MAPK9: variants seen among roughly 807,000 people sequenced by gnomAD.
MAPK9 encodes the protein Jun kinase.
Under a neutral mutation model 57.1 loss-of-function variants are expected in MAPK9, and 30 were observed. That is an observed-to-expected ratio of 0.53 (90% confidence interval 0.39 to 0.71). The LOEUF is 0.71. Ranked by LOEUF, MAPK9 falls within the 30% of genes least tolerant of loss-of-function variation. The pLI is 0.00. For synonymous variants in MAPK9, 155 were observed against 177.0 expected, an observed-to-expected ratio of 0.88 and a Z score of 0.99; for missense variants, 362 against 521.0, an observed-to-expected ratio of 0.69 and a Z score of 2.97.
chr5:180,236,777 T>C (rs761762697), intron 11 of MAPK9: 3 of 349,008 alleles, frequency 8.6e-6, no homozygotes, highest in Non-Finnish European at 1.6e-5. Flanking sequence ...TAAACATATA[T>C]GTGGCCATGT....
At chr5:180,284,967 G>A (rs1762614507) in intron 1 of MAPK9, among the ~76,000 whole-genome samples, 2 of 152,184 alleles carry the variant, frequency 1.3e-5, no homozygotes, top group South Asian at 2.1e-4. Context: ...TGGGAAATGA[G>A]AAACTTTCTT....
chr5:180,279,060 C>A (rs570735574), intron 2 of MAPK9, among the ~76,000 whole-genome samples: 3 of 151,458 alleles, frequency 2.0e-5, no homozygotes, highest in South Asian at 2.1e-4. Flanking sequence ...CAGGTTCAAG[C>A]GATTCTCTTG....
intron 3 of MAPK9, among the ~76,000 whole-genome samples, chr5:180,267,374 A>G (rs1030222423): frequency 3.3e-5 from 5 of 151,892 alleles, no homozygotes; most frequent in African/African-American, 1.2e-4. Flanking sequence ...ATCCTGGCTA[A>G]CATGGTGAAA....
intron 5 of MAPK9, among the ~76,000 whole-genome samples, chr5:180,253,963 CTTTTTTT>C (rs5873681): frequency 1.8e-5 from 2 of 109,360 alleles, no homozygotes; most frequent in African/African-American, 7.0e-5. Flanking sequence ...GCTTCAATCT[CTTTTTTT>C]TTTTTTTTTT....
At chr5:180,270,868 A>AAAAAAG (rs71591466) in intron 2 of MAPK9, among the ~76,000 whole-genome samples, 3,844 of 137,338 alleles carry the variant, frequency 0.028, 212 homozygotes, top group African/African-American at 0.1. Context: ...CAAAAAAAAA[A>AAAAAAG]AAAAAGAAAA....
chr5:180,253,672 A>T (rs1478400754), intron 5 of MAPK9: 1 of 152,228 alleles, frequency 6.6e-6, no homozygotes, highest in East Asian at 1.9e-4. Flanking sequence ...CGCCGCATGC[A>T]CAGTCCTGTG....
At chr5:180,255,642 C>CTGTGCAAAGA (rs1759200740) in intron 5 of MAPK9, among the ~76,000 whole-genome samples, 1 of 152,124 alleles carries the variant, frequency 6.6e-6, no homozygotes, top group Non-Finnish European at 1.5e-5. Flanking sequence ...GGAAGGTCTG[C>CTGTGCAAAGA]TGTGCAAAGC....
chr5:180,257,015 A>G (rs1759361735), intron 5 of MAPK9, among the ~76,000 whole-genome samples: 1 of 152,264 alleles, frequency 6.6e-6, no homozygotes, highest in African/African-American at 2.4e-5. Context: ...GAGATCTTTA[A>G]TTCAGAAGCC....
At position 180,236,288 on chromosome 5, in the gene MAPK9, G is replaced by GA; in HGVS notation, c.*95_*96insT. 3 of 1,338,624 alleles carry GA rather than the reference G, an allele frequency of 2.2e-6. No homozygotes were observed. The highest frequency in any genetic ancestry group is 3.0e-6 in the Non-Finnish European group (3 of 988,136). 82.9% of individuals were successfully genotyped at this position (1,338,624 alleles called of 1,614,324 possible). A position where few individuals can be genotyped will look rare whatever the true frequency, so the allele number is the denominator to read the frequency against. Reference sequence around the variant, plus strand: ...ATTGTGTTTCTTACATGCAGAACATGGAGTTTTTCTATTTGGTTCCATCAA... The same window carrying GA: ...ATTGTGTTTCTTACATGCAGAACATGAGAGTTTTTCTATTTGGTTCCATCAA... On this transcript the variant is annotated 3_prime_UTR_variant, in exon 12 of 12. Coordinates refer to ENST00000452135, the MANE Select transcript of MAPK9 (RefSeq NM_002752.5).
In MAPK9 at chr5:180,242,602, G is replaced by A; in HGVS notation, c.842C>T (p.Pro281Leu). ...TATTTTGTCTCGCTCAGATTCTGATGGGAATATCCAATCTGGAAAGAGTTC... is the reference window on the plus strand; with the variant it reads ...TATTTTGTCTCGCTCAGATTCTGATAGGAATATCCAATCTGGAAAGAGTTC... ...FEELFPDWIF[P>L]SESERDKIKT... Residue 281 changes from proline (P) to leucine (L), a missense_variant, in exon 8 of 12, where the codon CCA (proline) becomes CTA (leucine). Transcript: ENST00000452135. 1 of 1,613,514 alleles carries A rather than the reference G, an allele frequency of 6.2e-7. No homozygotes were observed. The highest frequency in any genetic ancestry group is 1.7e-5 in the Admixed American group (1 of 59,842).
chr5:180,265,499 A>G (rs1435609976), intron 3 of MAPK9, among the ~76,000 whole-genome samples: 1 of 152,206 alleles, frequency 6.6e-6, no homozygotes, highest in Non-Finnish European at 1.5e-5. Context: ...AGCACTGCCC[A>G]CTTTGCTCTT....
chr5:180,262,742 C>T (rs1043869714), intron 4 of MAPK9, among the ~76,000 whole-genome samples: 1 of 152,068 alleles, frequency 6.6e-6, no homozygotes, highest in African/African-American at 2.4e-5. Flanking sequence ...CAGCCTTCTC[C>T]CATTTTTTTC....
chr5:180,247,701 T>TGGCACTAAA lies in MAPK9; in HGVS notation c.617-192_617-191insTTTAGTGCC. On this transcript the variant is annotated intron_variant, in intron 6 of 11. Transcript: ENST00000452135. This position sits in a 1 kb window ranked among gnomAD's most constrained non-coding sequence, Gnocchi z 4.5. ...TTCGGTTTGTAGCAATCTGGGGTTT[T>TGGCACTAAA]AGTGCCAAAGAGTCCAATACTTTAT... The TGGCACTAAA allele has an allele frequency of 1.4e-5, 14 of 974,726 alleles. No individual in the cohort carries two copies. The East Asian group carries it at 3.6e-4, about 25-fold the overall frequency. The allele number at this position is 974,726 out of a possible 1,614,324, so 60.4% of individuals were successfully genotyped here. A position where few individuals can be genotyped will look rare whatever the true frequency, so the allele number is the denominator to read the frequency against.
intron 5 of MAPK9, 66 bp from the exon 6 acceptor site, chr5:180,249,204 G>A (rs1037020193): frequency 2.8e-6 from 4 of 1,434,768 alleles, no homozygotes; most frequent in African/African-American, 1.4e-5. Flanking sequence ...CTTCACATCC[G>A]TGAGGGTCGT....
intron 1 of MAPK9, among the ~76,000 whole-genome samples, chr5:180,283,437 A>G (rs1171562837): frequency 6.6e-6 from 1 of 152,164 alleles, no homozygotes; most frequent in East Asian, 1.9e-4. Context: ...TAACTACCTC[A>G]TGGCACAGAG....
chr5:180,241,303 A>ATT, intron 8 of MAPK9, 148 bp from the exon 9 acceptor site: 6 of 839,094 alleles, frequency 7.2e-6, no homozygotes, highest in South Asian at 4.8e-5. Context: ...TATAACCCAA[A>ATT]ATTTTTTTTT....
intron 2 of MAPK9, among the ~76,000 whole-genome samples, chr5:180,277,810 G>A (rs1158713637): frequency 2.0e-5 from 3 of 152,014 alleles, no homozygotes; most frequent in South Asian, 2.1e-4. Context: ...TTTTTGAAAC[G>A]GGAATGTGCC....
Position 180,241,064 on chromosome 5 carries a change from G to A in MAPK9, c.963C>T (p.Ile321=). 1.2e-6 allele frequency: 2 copies of A among 1,613,918 alleles called. No homozygotes were observed. The highest frequency in any genetic ancestry group is 1.7e-6 in the Non-Finnish European group (2 of 1,179,922). Residue 321 remains isoleucine (I), a synonymous_variant, in exon 9 of 12, where the codon ATC becomes ATT. Transcript: ENST00000452135. The part of the protein sequence containing the change: ...SVDEALRHPY[I]TVWYDPAEAE... ...CTTCGGCGGGGTCATACCAAACAGT[G>A]ATGTATGGGTGACGCAGAGCTTCGT...
At chr5:180,248,882 C>G (rs1384774555) in intron 6 of MAPK9, 91 bp downstream of exon 6, 2 of 1,403,582 alleles carry the variant, frequency 1.4e-6, no homozygotes, top group Non-Finnish European at 9.6e-7. Context: ...CAGTATATAT[C>G]ATATGGTTCA....
Sources: allele counts gnomAD v4.1 joint callset (sites outside exome capture counted in the v4.1 genomes callset), GRCh38; gene constraint gnomAD v4.1.1; non-coding constraint Gnocchi (gnomAD v3.1); transcripts MANE v1.5; gene names NCBI Gene and HGNC (gene_info 2026-07-23, HGNC 2026-07-21).